Variants in ICE2 observed in about 807,000 individuals in gnomAD.
ICE2 encodes the protein interactor of little elongation complex ELL subunit 2, also known as little elongation complex subunit 2.
ICE2 carries 87 observed loss-of-function variants against 105.4 expected under a neutral mutation model. The observed-to-expected ratio is 0.83, with a 90% CI of 0.69 to 0.99. The LOEUF (loss-of-function observed/expected upper bound fraction) is 0.99, where lower values mean the gene tolerates loss of function less well. Among genes scored for constraint, ICE2 ranks in the 50% least tolerant of loss-of-function variants. The probability of loss-of-function intolerance (pLI) is 0.00; values close to 1 mark genes in which losing one functional copy is unlikely to be tolerated. For missense variants in ICE2, 1,323 were observed against 1,146.7 expected (o/e 1.15, Z -2.22); for synonymous variants, 399 against 392.0 (o/e 1.02, Z -0.21).
At chr15:60,446,406 T>C (rs868076166) in intron 11 of ICE2, among the ~76,000 whole-genome samples, 4 of 151,532 alleles carry the variant, frequency 2.6e-5, no homozygotes. Context: ...TTTTTAAAAA[T>C]TTTTTTTGAG....
chr15:60,429,164 C>G (rs959912359), intron 14 of ICE2, among the ~76,000 whole-genome samples: 7 of 152,216 alleles, frequency 4.6e-5, no homozygotes, highest in African/African-American at 1.7e-4. Flanking sequence ...GTCAATGGAA[C>G]AATCACAGTA....
rs1306370229 is a variant in ICE2, at chr15:60,468,246, T to C, written c.223A>G (p.Lys75Glu). The change falls in exon 4 of 16, where the codon AAG (lysine) becomes GAG (glutamate). Residue 75 changes from lysine (K) to glutamate (E), a missense_variant. Lys to Glu is a moderately conservative substitution (Grantham distance 56). Transcript: ENST00000261520. ...CCAATTGTGGTTTTAACTTTTTCCT[T>C]TGCTTGAGTTGCTGAACTAACTGCC... ...EPAVSSATQA[K>E]EKVKTTIGMV... 3 of 1,613,862 alleles carry C rather than the reference T, an allele frequency of 1.9e-6. No individual in the cohort carries two copies. The highest frequency in any genetic ancestry group is 2.5e-6 in the Non-Finnish European group (3 of 1,179,790).
rs114660995 is a variant in ICE2, at chr15:60,450,818, T to C, written c.1126-977A>G. On this transcript the variant is annotated intron_variant, in intron 9 of 15. Coordinates refer to ENST00000261520, the MANE Select transcript of ICE2 (RefSeq NM_024611.6). Reference sequence around the variant, plus strand: ...ATCTCTTGGCATAGTGGCTGTCACATAGTAAGTAGCCTCTCAGTAAATGGT... The same window carrying C: ...ATCTCTTGGCATAGTGGCTGTCACACAGTAAGTAGCCTCTCAGTAAATGGT... Among the ~76,000 whole-genome samples the C allele has an allele frequency of 7.4e-3, 1,126 of 152,302 alleles. 10 individuals are homozygous for C. The highest frequency in any genetic ancestry group is 0.026 in the African/African-American group (1,091 of 41,560).
chr15:60,466,602 A>G lies in ICE2; in HGVS notation c.520T>C (p.Phe174Leu). 1.2e-6 allele frequency: 2 copies of G among 1,610,728 alleles called. No homozygotes were observed. Among genetic ancestry groups the G allele is most frequent in the South Asian group, 1.1e-5 (1 of 90,346 alleles). Residue 174 changes from phenylalanine (F) to leucine (L), a missense_variant, in exon 5 of 16, where the codon TTC becomes CTC. By Grantham distance (22) the Phe-to-Leu change is conservative. Transcript: ENST00000261520. ...YNMLSDDARLFTEKILRACIE... is the reference protein window; with the variant it reads ...YNMLSDDARLLTEKILRACIE... Reference sequence around the variant, plus strand: ...GTGAGTTGTTTTTTTACCTCTGTGAAGAGACGGGCATCATCAGAAAGCATA... The same window carrying G: ...GTGAGTTGTTTTTTTACCTCTGTGAGGAGACGGGCATCATCAGAAAGCATA...
chr15:60,478,275 T>A (rs1471210742), intron 1 of ICE2, among the ~76,000 whole-genome samples: 1 of 152,160 alleles, frequency 6.6e-6, no homozygotes. Flanking sequence ...GCCGGGAGTG[T>A]TACTCTCAGG....
chr15:60,467,680 T>C (rs1415718121), intron 4 of ICE2, among the ~76,000 whole-genome samples: 1 of 152,202 alleles, frequency 6.6e-6, no homozygotes, highest in Non-Finnish European at 1.5e-5. Flanking sequence ...GTTTTAAGAA[T>C]TTATCTTATG....
At chr15:60,446,315 G>A (rs1384841492) in intron 11 of ICE2, among the ~76,000 whole-genome samples, 1 of 152,200 alleles carries the variant, frequency 6.6e-6, no homozygotes, top group Non-Finnish European at 1.5e-5. Context: ...GTACATCCTG[G>A]ATCTGGATGG....
chr15:60,455,480 G>C (rs375285605), intron 6 of ICE2, 38 bp from the exon 7 acceptor site: 1 of 1,343,142 alleles, frequency 7.4e-7, no homozygotes, highest in East Asian at 2.3e-5. Context: ...TGCAAAAATC[G>C]CAATGTATTT....
intron 9 of ICE2, chr15:60,453,194 T>C (rs539449420): frequency 1.0e-6 from 1 of 977,246 alleles, no homozygotes; most frequent in African/African-American, 1.8e-5. Flanking sequence ...ATCGCACCAC[T>C]GCACTCCAGC....
chr15:60,464,871 G>A (rs2064378637), intron 5 of ICE2, among the ~76,000 whole-genome samples: 1 of 152,130 alleles, frequency 6.6e-6, no homozygotes, highest in South Asian at 2.1e-4. Context: ...AGCTGCAGTG[G>A]CATATGCCCA....
chr15:60,426,961 C>A (rs1475741520), intron 15 of ICE2, among the ~76,000 whole-genome samples: 1 of 152,144 alleles, frequency 6.6e-6, no homozygotes, highest in East Asian at 1.9e-4. Flanking sequence ...AAACAGACAA[C>A]CAAAACTGAA....
chr15:60,470,988 T>C (rs2064578109), intron 3 of ICE2, among the ~76,000 whole-genome samples: 1 of 152,176 alleles, frequency 6.6e-6, no homozygotes, highest in African/African-American at 2.4e-5. Context: ...GTGAGTTACA[T>C]TCCATCCAAA....
At chr15:60,457,534 G>A (rs1246867388) in intron 5 of ICE2, among the ~76,000 whole-genome samples, 1 of 152,076 alleles carries the variant, frequency 6.6e-6, no homozygotes, top group Non-Finnish European at 1.5e-5. Flanking sequence ...GGTCACAAAA[G>A]CTCTTGACAT....
intron 12 of ICE2, chr15:60,438,061 G>A (rs554188934): frequency 2.5e-4 from 38 of 152,214 alleles, no homozygotes; most frequent in African/African-American, 7.7e-4. Flanking sequence ...CAAGTAATGC[G>A]TATGTTCTAA....
rs61054838 is a variant in ICE2 at position 60,435,599 on chromosome 15, CAA to C, written c.2510+542_2510+543del. ...GGGCAAAAAGAGCAAAACTCTGTCTCAAAAAAAAAAAAAAAAATCACATGTAC... is the reference window on the plus strand; with the variant it reads ...GGGCAAAAAGAGCAAAACTCTGTCTCAAAAAAAAAAAAAAATCACATGTAC... On this transcript the variant is annotated intron_variant, in intron 13 of 15. Transcript: ENST00000261520. Among the ~76,000 whole-genome samples the C allele has an allele frequency of 5.8e-3, 826 of 143,374 alleles. 10 individuals carry two copies. The highest frequency in any genetic ancestry group is 0.046 in the East Asian group (230 of 5,020). 94.1% of individuals were successfully genotyped at this position (143,374 alleles called of 152,430 possible). A position where few individuals can be genotyped will look rare whatever the true frequency, so the allele number is the denominator to read the frequency against.
At chr15:60,434,722 A>C (rs887955380) in intron 13 of ICE2, among the ~76,000 whole-genome samples, 7 of 152,226 alleles carry the variant, frequency 4.6e-5, no homozygotes, top group African/African-American at 1.7e-4. Flanking sequence ...CTCATGGAGC[A>C]TGGAGATACA....
chr15:60,462,048 T>C (rs539907475), intron 5 of ICE2, among the ~76,000 whole-genome samples: 6 of 152,162 alleles, frequency 3.9e-5, no homozygotes, highest in Non-Finnish European at 8.8e-5. Flanking sequence ...GACACCAACA[T>C]TGGAGAATAA....
intron 12 of ICE2, chr15:60,438,216 G>A (rs888461716): frequency 2.0e-5 from 3 of 152,184 alleles, no homozygotes; most frequent in East Asian, 1.9e-4. Context: ...CTAGCATGAT[G>A]AGAATATAAG....
chr15:60,468,144 C>T lies in ICE2; in HGVS notation c.325G>A (p.Val109Met). 6.2e-7 allele frequency: 1 copy of T among 1,614,080 alleles called. No individual in the cohort carries two copies. The highest frequency in any genetic ancestry group is 8.5e-7 in the Non-Finnish European group (1 of 1,179,992). The change falls in exon 4 of 16, where the codon GTG becomes ATG. Residue 109 changes from valine (V) to methionine (M), a missense_variant. Transcript: ENST00000261520. ...RFSQREQRSY[V>M]DLLVKYAKIP... ...TTTGCGTATTTAACCAACAAGTCCA[C>T]ATAACTCCTCTGCTCTCTCTGTGAG...
Sources: allele counts gnomAD v4.1 joint callset (sites outside exome capture counted in the v4.1 genomes callset), GRCh38; gene constraint gnomAD v4.1.1; transcripts MANE v1.5; gene names NCBI Gene and HGNC (gene_info 2026-07-23, HGNC 2026-07-21).